Variants in KLHL18 observed in about 807,000 individuals in gnomAD.
KLHL18 encodes kelch like family member 18, also known as kelch-like protein 18.
In KLHL18, 38 loss-of-function variants were observed where a neutral mutation model predicts 58.5. That is an observed-to-expected ratio of 0.65 (90% CI 0.50 to 0.85). KLHL18 has a LOEUF of 0.85. Ranked by LOEUF, KLHL18 falls within the 40% of genes least tolerant of loss-of-function variation. KLHL18 has a pLI of 0.00. For missense variants in KLHL18, 624 were observed against 778.4 expected, an observed-to-expected ratio of 0.80 and a Z score of 2.36; for synonymous variants, 303 against 301.9, an observed-to-expected ratio of 1.00 and a Z score of -0.04.
chr3:47,286,154 T>G (rs926317670), intron 1 of KLHL18, among the ~76,000 whole-genome samples: 10 of 152,180 alleles, frequency 6.6e-5, no homozygotes, highest in Non-Finnish European at 1.3e-4. Context: ...TTTTCTCTCT[T>G]TAATAAAAAG....
At chr3:47,340,710 C>G in intron 8 of KLHL18, 34 bp downstream of exon 8, 1 of 1,610,812 alleles carries the variant, frequency 6.2e-7, no homozygotes. Flanking sequence ...GCAACTGGAG[C>G]TTATAAACAG....
chr3:47,283,141 G>A (rs747642613), intron 1 of KLHL18, 47 bp downstream of exon 1: 8 of 1,531,500 alleles, frequency 5.2e-6, no homozygotes, highest in Non-Finnish European at 6.2e-6. Flanking sequence ...GGGGTCGAGC[G>A]GGGAGTAAAA....
intron 1 of KLHL18, among the ~76,000 whole-genome samples, chr3:47,305,181 C>G (rs561930810): frequency 6.6e-6 from 1 of 151,980 alleles, no homozygotes; most frequent in African/African-American, 2.4e-5. Flanking sequence ...TGGTAAGAGT[C>G]TTGCCTTGTT....
chr3:47,322,859 G>C, intron 3 of KLHL18, 151 bp downstream of exon 3: 1 of 652,890 alleles, frequency 1.5e-6, no homozygotes, highest in South Asian at 4.1e-5. Flanking sequence ...CTTGAAATCA[G>C]TTTGTAGCAG....
chr3:47,346,400 A>G lies in KLHL18; in HGVS notation c.*2459A>G, dbSNP rs1011137248. On this transcript the variant is annotated 3_prime_UTR_variant, in exon 10 of 10. Transcript: ENST00000232766. Reference sequence around the variant, plus strand: ...CTCTCCCAGTAGGTTCCTCAGTCCGATGGTGAATGGCTATTCGTAAATGGC... The same window carrying G: ...CTCTCCCAGTAGGTTCCTCAGTCCGGTGGTGAATGGCTATTCGTAAATGGC... The G allele has an allele frequency of 6.5e-6, 1 of 152,688 alleles. No individual in the cohort carries two copies. The highest frequency in any genetic ancestry group is 6.5e-5 in the Admixed American group (1 of 15,280). 9.5% of individuals were successfully genotyped at this position (152,688 alleles called of 1,614,324 possible). A position where few individuals can be genotyped will look rare whatever the true frequency, so the allele number is the denominator to read the frequency against.
chr3:47,338,932 G>A (rs1200416072), intron 7 of KLHL18: 1 of 152,190 alleles, frequency 6.6e-6, no homozygotes, highest in East Asian at 1.9e-4. Context: ...ATAGTGAATT[G>A]GGCAGCTTGG....
chr3:47,335,882 G>C (rs916501846), intron 6 of KLHL18, among the ~76,000 whole-genome samples: 1 of 152,184 alleles, frequency 6.6e-6, no homozygotes, highest in African/African-American at 2.4e-5. Flanking sequence ...GCCTGGAACA[G>C]GTAAATCCTC....
intron 1 of KLHL18, among the ~76,000 whole-genome samples, chr3:47,296,502 A>G (rs995957683): frequency 6.6e-6 from 1 of 152,204 alleles, no homozygotes; most frequent in African/African-American, 2.4e-5. Flanking sequence ...TGGGGAAGAT[A>G]GATTATGCAT....
At chr3:47,335,252 A>G (rs1389791648) in intron 6 of KLHL18, among the ~76,000 whole-genome samples, 3 of 152,100 alleles carry the variant, frequency 2.0e-5, no homozygotes, top group Non-Finnish European at 4.4e-5. Flanking sequence ...GGCTATTCAC[A>G]TTTTGTCATA....
chr3:47,324,905 A>G (rs1703679041), intron 3 of KLHL18, among the ~76,000 whole-genome samples: 1 of 152,204 alleles, frequency 6.6e-6, no homozygotes, highest in Admixed American at 6.5e-5. Context: ...GCATTTTAGG[A>G]ATAAGTACTT....
chr3:47,287,964 C>T (rs556494963), intron 1 of KLHL18, among the ~76,000 whole-genome samples: 2 of 152,140 alleles, frequency 1.3e-5, no homozygotes, highest in South Asian at 2.1e-4. Flanking sequence ...GTGGCTCACG[C>T]CTGATCCCAG....
chr3:47,303,231 A>T (rs1703064783), intron 1 of KLHL18, among the ~76,000 whole-genome samples: 1 of 152,226 alleles, frequency 6.6e-6, no homozygotes, highest in South Asian at 2.1e-4. Flanking sequence ...GGCTTTTATG[A>T]TGTTCTCTCT....
chr3:47,343,526 C>G, intron 9 of KLHL18, 29 bp from the exon 10 acceptor site: 2 of 1,611,982 alleles, frequency 1.2e-6, no homozygotes, highest in South Asian at 1.1e-5. Flanking sequence ...TCTGACTGTC[C>G]TGTACCTGTG....
At chr3:47,329,495 G>A (rs1054661933) in intron 3 of KLHL18, among the ~76,000 whole-genome samples, 6 of 152,334 alleles carry the variant, frequency 3.9e-5, no homozygotes, top group Middle Eastern at 6.8e-3. Flanking sequence ...CCAAAGTGCT[G>A]GGATTACAGG....
intron 1 of KLHL18, among the ~76,000 whole-genome samples, chr3:47,300,287 T>TTATATATATATATA (rs1207306389): frequency 0.036 from 4,827 of 132,728 alleles, 124 homozygotes; most frequent in Non-Finnish European, 0.059. Context: ...CACCGGCATT[T>TTATATATATATATA]TATATATATA....
chr3:47,319,842 G>A, intron 2 of KLHL18, 59 bp downstream of exon 2: 1 of 1,591,852 alleles, frequency 6.3e-7, no homozygotes, highest in Non-Finnish European at 8.6e-7. Context: ...TTCAGCCTGT[G>A]CACGGTTCCG....
At chr3:47,342,571 C>G in intron 8 of KLHL18, 148 bp from the exon 9 acceptor site, 1 of 642,914 alleles carries the variant, frequency 1.6e-6, no homozygotes, top group South Asian at 2.0e-5. Flanking sequence ...AGGCGGCAGC[C>G]AGGGAGAACT....
At chr3:47,302,199 C>T (rs1703041339) in intron 1 of KLHL18, among the ~76,000 whole-genome samples, 1 of 152,200 alleles carries the variant, frequency 6.6e-6, no homozygotes, top group African/African-American at 2.4e-5. Context: ...TGTTTAAAAA[C>T]TCAATGGCTG....
intron 1 of KLHL18, among the ~76,000 whole-genome samples, chr3:47,317,149 T>A (rs1472882099): frequency 6.6e-6 from 1 of 152,164 alleles, no homozygotes; most frequent in Admixed American, 6.5e-5. Context: ...ATCTCGTTCT[T>A]CTTGCCCAGG....
Sources: gnomAD v4.1 joint callset for allele counts (sites outside exome capture counted in the v4.1 genomes callset) on GRCh38, gnomAD v4.1.1 for gene constraint, MANE v1.5 for transcripts, NCBI Gene and HGNC (gene_info 2026-07-23, HGNC 2026-07-21) for gene names.